Variants in NLGN1 observed in about 807,000 individuals in gnomAD.
NLGN1 encodes the protein neuroligin-1.
Under a neutral mutation model 65.5 loss-of-function variants are expected in NLGN1, and 12 were observed. That is an observed-to-expected ratio of 0.18 (90% confidence interval 0.12 to 0.30). The LOEUF is 0.30. NLGN1 is among the 10% of genes least tolerant of loss of function. The pLI is 1.00. For missense variants in NLGN1, 750 were observed against 1,007.1 expected (o/e 0.74, Z 3.46); for synonymous variants, 350 against 359.5 (o/e 0.97, Z 0.30).
chr3:174,164,745 C>T lies in NLGN1; in HGVS notation c.647-110570C>T, dbSNP rs143052641. 5.4e-3 allele frequency among the ~76,000 whole-genome samples: 817 copies of T among 152,144 alleles called. 5 individuals carry two copies. The highest frequency in any genetic ancestry group is 0.01 in the Admixed American group (160 of 15,240). On this transcript the variant is annotated intron_variant, in intron 4 of 6. Coordinates refer to ENST00000457714, the Ensembl canonical transcript of NLGN1. ...GTCTTGTTTTTGTACCAGTACCATG[C>T]TGTTTTGGTTACTGTAGGCTTATAG...
In NLGN1 at chr3:173,903,220, A is replaced by G. The variant is rs186273866; in HGVS notation, c.646+95388A>G. 7.2e-5 allele frequency among the ~76,000 whole-genome samples: 11 copies of G among 152,242 alleles called. No homozygotes were observed. The East Asian group carries it at 1.9e-3, about 27-fold the overall frequency. ...AATGGCCTCATTAGATCAGATCGGC[A>G]GTAATCCAGGAGGAAGACTGGTGAT... On this transcript the variant is annotated intron_variant, in intron 4 of 6. Coordinates refer to ENST00000457714, the Ensembl canonical transcript of NLGN1.
chr3:173,524,294 A>G (rs1453244092), intron 2 of NLGN1, among the ~76,000 whole-genome samples: 2 of 151,940 alleles, frequency 1.3e-5, no homozygotes, highest in African/African-American at 2.4e-5. Context: ...TTGGTTAGCT[A>G]TATTCCTAGA....
intron 4 of NLGN1, among the ~76,000 whole-genome samples, chr3:173,983,787 C>A (rs1719289080): frequency 6.6e-6 from 1 of 152,100 alleles, no homozygotes; most frequent in African/African-American, 2.4e-5. Context: ...GCTAAAGCAA[C>A]CCCCATCCTC....
At chr3:174,079,532 G>A (rs1255390165) in intron 4 of NLGN1, among the ~76,000 whole-genome samples, 6 of 152,090 alleles carry the variant, frequency 3.9e-5, no homozygotes, top group African/African-American at 1.4e-4. Context: ...CAGCAATCCC[G>A]TTACTGGGTG....
At chr3:173,874,549 T>C (rs1013172051) in intron 4 of NLGN1, among the ~76,000 whole-genome samples, 1 of 152,186 alleles carries the variant, frequency 6.6e-6, no homozygotes, top group Non-Finnish European at 1.5e-5. Context: ...GTGGTTTCTA[T>C]TAAGGACAAA....
chr3:174,213,043 A>G (rs1736984489), intron 4 of NLGN1, among the ~76,000 whole-genome samples: 1 of 152,226 alleles, frequency 6.6e-6, no homozygotes, highest in Admixed American at 6.5e-5. Context: ...TTAATTAACC[A>G]TCTTAATTCT....
At chr3:173,422,327 A>C (rs1056898870) in intron 1 of NLGN1, among the ~76,000 whole-genome samples, 10 of 152,196 alleles carry the variant, frequency 6.6e-5, no homozygotes, top group African/African-American at 2.4e-4. Context: ...AGTTTATCTC[A>C]AGGAGGTAGA....
At chr3:173,497,670 T>C (rs1730260279) in intron 2 of NLGN1, among the ~76,000 whole-genome samples, 1 of 151,746 alleles carries the variant, frequency 6.6e-6, no homozygotes, top group African/African-American at 2.4e-5. Context: ...AAATCCCAAA[T>C]GTTAACTAGT....
intron 4 of NLGN1, among the ~76,000 whole-genome samples, chr3:174,110,657 G>T: frequency 6.6e-6 from 1 of 151,892 alleles, no homozygotes; most frequent in Middle Eastern, 3.2e-3. Context: ...AATGAAAAGC[G>T]TTAAAGGACA....
At chr3:174,018,441 G>A (rs1727059192) in intron 4 of NLGN1, among the ~76,000 whole-genome samples, 3 of 152,126 alleles carry the variant, frequency 2.0e-5, no homozygotes, top group South Asian at 4.1e-4. Context: ...TATGTTCAGA[G>A]ATGGCAGTAA....
chr3:173,830,016 GA>G (rs762910897), intron 4 of NLGN1, among the ~76,000 whole-genome samples: 1,498 of 142,558 alleles, frequency 0.011, 17 homozygotes, highest in South Asian at 0.023. Flanking sequence ...GTGGGGGGGG[GA>G]GGGAGAGAAT....
intron 4 of NLGN1, among the ~76,000 whole-genome samples, chr3:173,876,106 C>T (rs767031267): frequency 6.6e-6 from 1 of 152,082 alleles, no homozygotes; most frequent in African/African-American, 2.4e-5. Context: ...CAAACTGATT[C>T]TCCTGGAAGG....
intron 3 of NLGN1, among the ~76,000 whole-genome samples, chr3:173,671,248 C>T (rs1762404266): frequency 6.6e-6 from 1 of 152,132 alleles, no homozygotes; most frequent in Non-Finnish European, 1.5e-5. Flanking sequence ...GGCCTGTAAT[C>T]CAGCACTTTG....
At chr3:173,719,852 C>T (rs1047978993) in intron 3 of NLGN1, among the ~76,000 whole-genome samples, 7 of 152,058 alleles carry the variant, frequency 4.6e-5, no homozygotes, top group African/African-American at 9.7e-5. Flanking sequence ...CAGTGGCTCA[C>T]GCCTGTAATC....
intron 4 of NLGN1, among the ~76,000 whole-genome samples, chr3:173,811,582 AAAAGG>A (rs1317617146): frequency 7.9e-5 from 12 of 151,420 alleles, no homozygotes; most frequent in African/African-American, 2.9e-4. Flanking sequence ...AAAAAAAAAA[AAAAGG>A]AAGAAAAGAA....
intron 4 of NLGN1, among the ~76,000 whole-genome samples, chr3:173,833,187 T>C (rs912709754): frequency 2.0e-4 from 30 of 152,304 alleles, no homozygotes; most frequent in African/African-American, 7.2e-4. Context: ...TTGCAAGAGA[T>C]TGAACCAAAT....
chr3:173,551,591 C>T (rs1352630092), intron 2 of NLGN1, among the ~76,000 whole-genome samples: 5 of 152,268 alleles, frequency 3.3e-5, no homozygotes, highest in South Asian at 2.1e-4. Context: ...GTACTCCGAA[C>T]GTACTATGAT....
chr3:173,704,715 A>T (rs530189081), intron 3 of NLGN1, among the ~76,000 whole-genome samples: 41 of 152,316 alleles, frequency 2.7e-4, no homozygotes, highest in African/African-American at 8.4e-4. Flanking sequence ...GATGATAAAA[A>T]TGATTGTCAT....
chr3:174,121,940 G>A (rs1717862869), intron 4 of NLGN1, among the ~76,000 whole-genome samples: 1 of 152,096 alleles, frequency 6.6e-6, no homozygotes, highest in African/African-American at 2.4e-5. Context: ...ATTTTCTTCT[G>A]TAAATCAAGC....
Sources: allele counts gnomAD v4.1 joint callset (sites outside exome capture counted in the v4.1 genomes callset), GRCh38; gene constraint gnomAD v4.1.1; transcripts MANE v1.5; gene names NCBI Gene and HGNC (gene_info 2026-07-23, HGNC 2026-07-21).